The following DOCK1 variants were observed in gnomAD, a reference collection of about 807,000 sequenced individuals.
DOCK1 encodes dedicator of cytokinesis protein 1.
In DOCK1, 138 loss-of-function variants were observed where a neutral mutation model predicts 262.7. That is an observed-to-expected ratio of 0.53 (90% CI 0.46 to 0.61). The LOEUF (loss-of-function observed/expected upper bound fraction) is 0.61, where lower values mean the gene tolerates loss of function less well. Among genes scored for constraint, DOCK1 ranks in the 20% least tolerant of loss-of-function variants. The probability of loss-of-function intolerance (pLI) is 0.00; values close to 1 mark genes in which losing one functional copy is unlikely to be tolerated. For missense variants in DOCK1, 1,908 were observed against 2,370.7 expected, an observed-to-expected ratio of 0.80 and a Z score of 4.05; for synonymous variants, 866 against 867.4, an observed-to-expected ratio of 1.00 and a Z score of 0.03.
intron 29 of DOCK1, among the ~76,000 whole-genome samples, chr10:127,333,713 TC>T (rs2063079691): frequency 6.6e-6 from 1 of 152,172 alleles, no homozygotes; most frequent in Non-Finnish European, 1.5e-5. Flanking sequence ...GGCAGGTGCC[TC>T]CTGCAGGCAG....
chr10:127,038,285 C>T (rs9418808), intron 19 of DOCK1, among the ~76,000 whole-genome samples: 32,094 of 152,028 alleles, frequency 0.21, 3,336 homozygotes, highest in Middle Eastern at 0.28. Flanking sequence ...GCACAGAGTG[C>T]TTCTTGGCTT....
At chr10:127,448,793 T>A (rs1384747278) in intron 51 of DOCK1, among the ~76,000 whole-genome samples, 3 of 128,688 alleles carry the variant, frequency 2.3e-5, no homozygotes, top group Non-Finnish European at 4.7e-5. Flanking sequence ...TTCATAATGG[T>A]GAGACATGGT....
chr10:127,140,638 A>AAGTCTCTGGGTTGAGTTTGATACACCG lies in DOCK1; in HGVS notation c.2847+12894_2847+12895insTACACCGAGTCTCTGGGTTGAGTTTGA. On this transcript the variant is annotated intron_variant, in intron 27 of 51. Transcript: ENST00000623213. ...GTCTCTCGGTTGAGTTTGACACACC[A>AAGTCTCTGGGTTGAGTTTGATACACCG]AGTCTCTGGGTTGAGTTTGACACAC... 5.4e-5 allele frequency among the ~76,000 whole-genome samples: 8 copies of AAGTCTCTGGGTTGAGTTTGATACACCG among 147,168 alleles called. 1 individual carries two copies. The South Asian group carries it at 1.8e-3, about 34-fold the overall frequency.
At chr10:127,091,272 T>G (rs964603898) in intron 23 of DOCK1, among the ~76,000 whole-genome samples, 7 of 152,164 alleles carry the variant, frequency 4.6e-5, no homozygotes, top group African/African-American at 1.7e-4. Context: ...CGTGAGCCAC[T>G]GCGCCCAGCC....
chr10:127,134,281 G>T (rs2050510422), intron 27 of DOCK1, among the ~76,000 whole-genome samples: 1 of 152,136 alleles, frequency 6.6e-6, no homozygotes, highest in African/African-American at 2.4e-5. Flanking sequence ...CTGTTTATAG[G>T]TTGGAGTTGG....
chr10:127,027,362 A>C (rs1054440774), intron 16 of DOCK1, among the ~76,000 whole-genome samples: 4 of 152,206 alleles, frequency 2.6e-5, no homozygotes, highest in East Asian at 3.9e-4. Context: ...TGGGAAGCCA[A>C]GGTGGAAGAT....
intron 1 of DOCK1, among the ~76,000 whole-genome samples, chr10:126,912,890 A>G (rs944593269): frequency 3.9e-5 from 6 of 152,136 alleles, no homozygotes; most frequent in Middle Eastern, 3.4e-3. Context: ...ACACTGACAT[A>G]TGGATTTGGA....
intron 27 of DOCK1, among the ~76,000 whole-genome samples, chr10:127,186,501 G>GA (rs1554910038): frequency 2.4e-5 from 1 of 41,960 alleles, no homozygotes; most frequent in African/African-American, 8.1e-5. Context: ...CAGCATGGGA[G>GA]AAACCGCCCC....
Position 127,132,238 on chromosome 10 carries a change from A to G in DOCK1, c.2847+4474A>G, listed in dbSNP as rs1165620157. Among the ~76,000 whole-genome samples the G allele has an allele frequency of 2.0e-5, 3 of 152,334 alleles. No homozygotes were observed. In the East Asian group the frequency reaches 5.8e-4, roughly 29 times the overall value. On this transcript the variant is annotated intron_variant, in intron 27 of 51. Transcript: ENST00000623213. ...TGTATATTGTTTGCTTTAGTTGATT[A>G]TATTTGAAATGGGTGATTGGAATGC...
At chr10:127,235,997 C>T (rs1009087323) in intron 27 of DOCK1, among the ~76,000 whole-genome samples, 2 of 152,006 alleles carry the variant, frequency 1.3e-5, no homozygotes, top group Non-Finnish European at 1.5e-5. Flanking sequence ...GAGAGTTTGT[C>T]ATATACTGCG....
intron 4 of DOCK1, among the ~76,000 whole-genome samples, chr10:126,985,860 T>C (rs2039342883): frequency 6.6e-6 from 1 of 152,128 alleles, no homozygotes. Flanking sequence ...TGTTGTTGTT[T>C]TTGAGATGGT....
At chr10:126,972,689 G>A (rs1397469680) in intron 2 of DOCK1, among the ~76,000 whole-genome samples, 1 of 151,998 alleles carries the variant, frequency 6.6e-6, no homozygotes, top group Non-Finnish European at 1.5e-5. Flanking sequence ...GAGGCAAACT[G>A]TGACCAGCTC....
chr10:126,941,557 C>A (rs958408758), intron 1 of DOCK1, among the ~76,000 whole-genome samples: 67 of 152,258 alleles, frequency 4.4e-4, no homozygotes, highest in East Asian at 1.9e-3. Flanking sequence ...GAGATCGAGA[C>A]CATCCTGGCT....
intron 39 of DOCK1, among the ~76,000 whole-genome samples, chr10:127,403,449 A>C (rs2067338341): frequency 6.6e-6 from 1 of 152,222 alleles, no homozygotes; most frequent in Non-Finnish European, 1.5e-5. Context: ...GAGTCTGTGA[A>C]CATTTGTACT....
At chr10:127,370,739 C>G (rs928978976) in intron 33 of DOCK1, among the ~76,000 whole-genome samples, 3 of 152,130 alleles carry the variant, frequency 2.0e-5, no homozygotes, top group African/African-American at 7.2e-5. Flanking sequence ...GAGCACAGCC[C>G]CCTGACTCCG....
chr10:127,267,681 C>T (rs1321537891), intron 29 of DOCK1, among the ~76,000 whole-genome samples: 1 of 152,194 alleles, frequency 6.6e-6, no homozygotes, highest in African/African-American at 2.4e-5. Flanking sequence ...CACTTAATGC[C>T]GGAGGAGGCA....
intron 50 of DOCK1, among the ~76,000 whole-genome samples, chr10:127,445,091 G>T (rs988484989): frequency 4.6e-5 from 7 of 152,136 alleles, no homozygotes; most frequent in African/African-American, 1.7e-4. Flanking sequence ...TGAGGTTCTG[G>T]GTGGCCCTAA....
intron 23 of DOCK1, among the ~76,000 whole-genome samples, chr10:127,064,989 A>T (rs7093110): frequency 2.6e-5 from 4 of 151,828 alleles, no homozygotes; most frequent in Non-Finnish European, 5.9e-5. Flanking sequence ...GACTCATACC[A>T]CATTTGTCCT....
At chr10:127,246,509 G>T (rs867100989) in intron 27 of DOCK1, among the ~76,000 whole-genome samples, 4 of 152,298 alleles carry the variant, frequency 2.6e-5, no homozygotes, top group South Asian at 2.1e-4. Context: ...CACAAATTTT[G>T]CCATTTTACT....
Sources: allele counts gnomAD v4.1 joint callset (sites outside exome capture counted in the v4.1 genomes callset), GRCh38; gene constraint gnomAD v4.1.1; transcripts MANE v1.5; gene names NCBI Gene and HGNC (gene_info 2026-07-23, HGNC 2026-07-21).